The following SDK2 variants were observed in gnomAD, a reference collection of about 807,000 sequenced individuals.
SDK2 encodes the protein sidekick cell adhesion molecule 2.
Under a neutral mutation model 253.9 loss-of-function variants are expected in SDK2, and 105 were observed. The observed-to-expected ratio is 0.41, with a 90% CI of 0.35 to 0.49. The LOEUF (loss-of-function observed/expected upper bound fraction) is 0.49, where lower values mean the gene tolerates loss of function less well. SDK2 is among the 20% of genes least tolerant of loss of function. SDK2 has a pLI of 0.06. For missense variants in SDK2, 2,608 were observed against 3,003.0 expected (o/e 0.87, Z 3.07); for synonymous variants, 1,249 against 1,234.9 (o/e 1.01, Z -0.24).
intron 37 of SDK2, among the ~76,000 whole-genome samples, chr17:73,367,414 C>G (rs937684827): frequency 9.2e-5 from 14 of 152,194 alleles, no homozygotes; most frequent in African/African-American, 3.4e-4. Context: ...TCCTCTCCAG[C>G]CCCTAGGCCT....
Position 73,379,690 on chromosome 17 carries a change from G to A in SDK2, c.4763-141C>T, listed in dbSNP as rs2062814939. 3 of 612,580 alleles carry A rather than the reference G, an allele frequency of 4.9e-6. No homozygotes were observed. Among genetic ancestry groups the A allele is most frequent in the Non-Finnish European group, 5.8e-6 (2 of 346,058 alleles). The allele number at this position is 612,580 out of a possible 1,614,324, so 37.9% of individuals were successfully genotyped here. ...GCCCCCTCTGTGAAGGTGCATGAAGGAGGAGGTGAGAGGCGGGGCCCCCAG... is the reference window on the plus strand; with the variant it reads ...GCCCCCTCTGTGAAGGTGCATGAAGAAGGAGGTGAGAGGCGGGGCCCCCAG... On this transcript the variant is annotated intron_variant, in intron 34 of 44. Transcript: ENST00000392650. The surrounding 1 kb of genome is among the most constrained non-coding windows in gnomAD (Gnocchi z 4.5).
At chr17:73,583,237 A>T (rs1238435137) in intron 1 of SDK2, among the ~76,000 whole-genome samples, 2 of 152,240 alleles carry the variant, frequency 1.3e-5, no homozygotes, top group Non-Finnish European at 2.9e-5. Flanking sequence ...GCTCCCTGAC[A>T]GCAGACCGTG....
chr17:73,613,621 A>T, intron 1 of SDK2, among the ~76,000 whole-genome samples: 1 of 84,498 alleles, frequency 1.2e-5, no homozygotes, highest in Non-Finnish European at 2.4e-5. Flanking sequence ...CCCTCCCCCT[A>T]CATATGCTCA....
At chr17:73,407,412 C>G (rs2063088148) in intron 18 of SDK2, among the ~76,000 whole-genome samples, 1 of 152,024 alleles carries the variant, frequency 6.6e-6, no homozygotes, top group Admixed American at 6.6e-5. Context: ...ATTTAAGAAG[C>G]ATAATAATGG....
intron 1 of SDK2, among the ~76,000 whole-genome samples, chr17:73,540,456 C>T (rs1165258485): frequency 6.6e-6 from 1 of 152,178 alleles, no homozygotes; most frequent in Non-Finnish European, 1.5e-5. Context: ...AATGAGACTA[C>T]TTTAGCTTCA....
Position 73,570,526 on chromosome 17 carries a change from C to T in SDK2, c.65-62929G>A, listed in dbSNP as rs182045288. ...CCCAGCACCCCTCTTGTGATGATGG[C>T]GGTGATGGTGATGGTGAGGCTGATG... On this transcript the variant is annotated intron_variant, in intron 1 of 44. Coordinates refer to ENST00000392650, the MANE Select transcript of SDK2 (RefSeq NM_001144952.2). This position sits in a 1 kb window ranked among gnomAD's most constrained non-coding sequence, Gnocchi z 4.2. 6.6e-6 allele frequency among the ~76,000 whole-genome samples: 1 copy of T among 152,236 alleles called. No homozygotes were observed. The highest frequency in any genetic ancestry group is 1.5e-5 in the Non-Finnish European group (1 of 68,020).
chr17:73,433,637 G>A (rs8071524), intron 10 of SDK2, 95 bp downstream of exon 10: 244,542 of 892,700 alleles, frequency 0.27, 36,125 homozygotes, highest in Non-Finnish European at 0.31. Flanking sequence ...ACAAGTGTAC[G>A]TGGGGAACCC....
chr17:73,565,381 G>A (rs537555462), intron 1 of SDK2, among the ~76,000 whole-genome samples: 2 of 152,262 alleles, frequency 1.3e-5, no homozygotes, highest in East Asian at 1.9e-4. Context: ...TTTGAGTGCA[G>A]GGAAGTTACC....
At chr17:73,408,554 C>T (rs972679666) in intron 18 of SDK2, among the ~76,000 whole-genome samples, 4 of 152,130 alleles carry the variant, frequency 2.6e-5, no homozygotes, top group Admixed American at 1.3e-4. Context: ...AAAAATCAAA[C>T]CTGAATCAGA....
At chr17:73,638,444 C>T (rs530227844) in intron 1 of SDK2, among the ~76,000 whole-genome samples, 5 of 152,136 alleles carry the variant, frequency 3.3e-5, no homozygotes, top group South Asian at 2.1e-4. Context: ...TAGGGTGCTC[C>T]GAGATGGATA....
At chr17:73,560,093 C>A (rs2045210075) in intron 1 of SDK2, among the ~76,000 whole-genome samples, 3 of 152,200 alleles carry the variant, frequency 2.0e-5, no homozygotes, top group Admixed American at 2.0e-4. Flanking sequence ...GGAGGACCCG[C>A]ACACAGAGCC....
At chr17:73,457,268 TTCCTTCCTTCCTTCCTTCC>T (rs2063533524) in intron 3 of SDK2, among the ~76,000 whole-genome samples, 93 of 51,496 alleles carry the variant, frequency 1.8e-3, no homozygotes, top group East Asian at 0.011. Flanking sequence ...CCTTCCTTCC[TTCCTTCCTTCCTTCCTTCC>T]CCCCTCCCTC....
chr17:73,615,742 C>T (rs1022117048), intron 1 of SDK2, among the ~76,000 whole-genome samples: 3 of 152,148 alleles, frequency 2.0e-5, no homozygotes, highest in South Asian at 2.1e-4. Flanking sequence ...CTGGAGGCCA[C>T]GTTTTTAAAC....
chr17:73,355,516 TTTTTTA>T (rs2062584827), intron 40 of SDK2, among the ~76,000 whole-genome samples: 2 of 152,014 alleles, frequency 1.3e-5, no homozygotes, highest in African/African-American at 4.8e-5. Flanking sequence ...TTATTTTTTA[TTTTTTA>T]TTTTTAGCAG....
intron 3 of SDK2, among the ~76,000 whole-genome samples, chr17:73,462,786 T>C (rs1813097632): frequency 6.6e-6 from 1 of 152,146 alleles, no homozygotes; most frequent in Non-Finnish European, 1.5e-5. Flanking sequence ...CCTCCACTTC[T>C]CCACTCCAAC....
intron 39 of SDK2, among the ~76,000 whole-genome samples, chr17:73,358,825 C>T (rs2062615774): frequency 1.3e-5 from 2 of 152,194 alleles, no homozygotes; most frequent in Admixed American, 1.3e-4. Context: ...GCCTTGGGGC[C>T]TGTGCTGCTA....
chr17:73,385,318 C>G (rs898957516), intron 32 of SDK2, among the ~76,000 whole-genome samples: 2 of 152,134 alleles, frequency 1.3e-5, no homozygotes, highest in Non-Finnish European at 2.9e-5. Context: ...GCAGTGCCCA[C>G]TGAAGAGTGG....
At chr17:73,525,738 CCTA>C (rs2064120609) in intron 1 of SDK2, among the ~76,000 whole-genome samples, 1 of 152,094 alleles carries the variant, frequency 6.6e-6, no homozygotes, top group Admixed American at 6.5e-5. Context: ...CCCATCCCTG[CCTA>C]CCCAAGAAGG....
At chr17:73,617,241 G>A (rs1290582878) in intron 1 of SDK2, among the ~76,000 whole-genome samples, 3 of 147,820 alleles carry the variant, frequency 2.0e-5, no homozygotes, top group African/African-American at 7.5e-5. Context: ...CAGAGGGGAG[G>A]GGAGAGGCCT....
Sources: gnomAD v4.1 joint callset for allele counts (sites outside exome capture counted in the v4.1 genomes callset) on GRCh38, gnomAD v4.1.1 for gene constraint, Gnocchi (gnomAD v3.1) non-coding constraint, MANE v1.5 for transcripts, NCBI Gene and HGNC (gene_info 2026-07-23, HGNC 2026-07-21) for gene names.